The following MGAT3 variants were observed in gnomAD, a reference collection of about 807,000 sequenced individuals.
MGAT3 encodes beta-1,4-mannosyl-glycoprotein 4-beta-N-acetylglucosaminyltransferase.
A neutral mutation model predicts 29.8 loss-of-function variants in MGAT3; 9 were observed. The observed-to-expected ratio is 0.30, with a 90% CI of 0.18 to 0.53. The LOEUF is 0.53. Ranked by LOEUF, MGAT3 falls within the 20% of genes least tolerant of loss-of-function variation. MGAT3 has a pLI of 0.96. For missense variants in MGAT3, 557 were observed against 769.5 expected (o/e 0.72, Z 3.27); for synonymous variants, 397 against 348.9 (o/e 1.14, Z -1.54).
At chr22:39,459,746 G>C (rs773131056) in intron 1 of MGAT3, among the ~76,000 whole-genome samples, 1 of 152,262 alleles carries the variant, frequency 6.6e-6, no homozygotes. Context: ...CGGATTCCAG[G>C]TGTGATCAAA....
chr22:39,458,712 C>G (rs1225446181), intron 1 of MGAT3, among the ~76,000 whole-genome samples: 2 of 152,182 alleles, frequency 1.3e-5, no homozygotes, highest in African/African-American at 4.8e-5. Context: ...CCAGAGATCT[C>G]TGGGTAGAGA....
At chr22:39,478,096 ACATGGGG>A (rs1233847266) in intron 1 of MGAT3, among the ~76,000 whole-genome samples, 1 of 152,230 alleles carries the variant, frequency 6.6e-6, no homozygotes, top group East Asian at 1.9e-4. Context: ...CCCTTAGGTC[ACATGGGG>A]CAGGACCAGG....
rs750818707 is a variant in MGAT3 at position 39,487,950 on chromosome 22, C to T, written c.603C>T (p.Pro201=). 236 of 1,610,564 alleles carry T rather than the reference C, an allele frequency of 1.5e-4. 3 individuals are homozygous for T. In the South Asian group the frequency reaches 2.6e-3, roughly 17 times the overall value. The change falls in exon 2 of 2, where the codon CCC becomes CCT. Residue 201 remains proline (P), a synonymous_variant. Transcript: ENST00000341184. This position sits in a 1 kb window ranked among gnomAD's most constrained non-coding sequence, Gnocchi z 5.7. ...SNLPTKERLV[P]REVPRRVINA... is the part of the protein sequence containing the mutation. ...TGCCCACCAAGGAGCGGCTGGTGCC[C>T]AGGGAGGTGCCGCGCCGCGTCATCA...
chr22:39,484,768 T>C (rs1929224364), intron 1 of MGAT3, among the ~76,000 whole-genome samples: 1 of 151,802 alleles, frequency 6.6e-6, no homozygotes, highest in African/African-American at 2.4e-5. Flanking sequence ...TTTCAGAAGC[T>C]GAGGCGGGCA....
intron 1 of MGAT3, chr22:39,477,820 G>T (rs1929010974): frequency 1.3e-5 from 2 of 152,280 alleles, no homozygotes; most frequent in African/African-American, 4.8e-5. Context: ...AGCATCTGTT[G>T]TGTGCTTAGG....
At chr22:39,461,898 C>T (rs1226257284) in intron 1 of MGAT3, among the ~76,000 whole-genome samples, 2 of 150,758 alleles carry the variant, frequency 1.3e-5, no homozygotes, top group African/African-American at 5.0e-5. Flanking sequence ...TTCACACTGA[C>T]CCACTCTTTT....
chr22:39,467,084 G>A (rs924964477), intron 1 of MGAT3, among the ~76,000 whole-genome samples: 1 of 152,224 alleles, frequency 6.6e-6, no homozygotes, highest in Admixed American at 6.5e-5. Context: ...TGCTACATGT[G>A]TATGCACACA....
At chr22:39,479,370 C>T (rs1304084274) in intron 1 of MGAT3, among the ~76,000 whole-genome samples, 1 of 152,194 alleles carries the variant, frequency 6.6e-6, no homozygotes, top group Non-Finnish European at 1.5e-5. Context: ...AAGTCACAGG[C>T]CCCTGGGGCT....
chr22:39,477,309 C>T (rs753041432), intron 1 of MGAT3, among the ~76,000 whole-genome samples: 7 of 152,302 alleles, frequency 4.6e-5, no homozygotes, highest in Middle Eastern at 3.4e-3. Flanking sequence ...TCGGCTGGGC[C>T]GGATTCCGCA....
At chr22:39,471,515 C>T (rs1006269022) in intron 1 of MGAT3, among the ~76,000 whole-genome samples, 2 of 152,128 alleles carry the variant, frequency 1.3e-5, no homozygotes, top group Non-Finnish European at 2.9e-5. Flanking sequence ...GCCCTCACCC[C>T]ACTCCAACCT....
At chr22:39,463,634 T>C (rs1928556747) in intron 1 of MGAT3, among the ~76,000 whole-genome samples, 1 of 151,956 alleles carries the variant, frequency 6.6e-6, no homozygotes, top group Non-Finnish European at 1.5e-5. Flanking sequence ...GTTTAAAAAA[T>C]ACTGACTTGG....
In MGAT3 at chr22:39,487,236, G is replaced by A. The variant is rs2145727515; in HGVS notation, c.-1-111G>A. 27 of 1,156,298 alleles carry A rather than the reference G, an allele frequency of 2.3e-5. No individual in the cohort carries two copies. The South Asian group carries it at 3.5e-4, about 15-fold the overall frequency. The allele number at this position is 1,156,298 out of a possible 1,614,324, so 71.6% of individuals were successfully genotyped here. On this transcript the variant is annotated intron_variant, in intron 1 of 1. Coordinates refer to ENST00000341184, the MANE Select transcript of MGAT3 (RefSeq NM_002409.5). This position sits in a 1 kb window ranked among gnomAD's most constrained non-coding sequence, Gnocchi z 5.7. The stretch of plus-strand genomic sequence containing the variant: ...GTCACTCCATGCAGGGGCAGCAGGT[G>A]CTGGCCACCACATTGTCCAGCAAGG...
chr22:39,485,538 C>T (rs1250476404), intron 1 of MGAT3, among the ~76,000 whole-genome samples: 1 of 152,166 alleles, frequency 6.6e-6, no homozygotes, highest in South Asian at 2.1e-4. Flanking sequence ...TGCCTGTAAT[C>T]TCAGCACTTT....
chr22:39,466,098 G>A (rs557504128), intron 1 of MGAT3, among the ~76,000 whole-genome samples: 67 of 152,346 alleles, frequency 4.4e-4, no homozygotes, highest in African/African-American at 1.6e-3. Flanking sequence ...AGGGGTGGCA[G>A]GATGGTGGGG....
intron 1 of MGAT3, among the ~76,000 whole-genome samples, chr22:39,467,592 A>G (rs1928685830): frequency 6.6e-6 from 1 of 152,172 alleles, no homozygotes; most frequent in Non-Finnish European, 1.5e-5. Context: ...AGACACATGG[A>G]CACGACACGG....
chr22:39,477,833 T>C (rs1929011180), intron 1 of MGAT3: 1 of 152,280 alleles, frequency 6.6e-6, no homozygotes, highest in Non-Finnish European at 1.5e-5. Flanking sequence ...TGCTTAGGCA[T>C]GGTCCCTAGC....
At chr22:39,482,899 C>T (rs1191768080) in intron 1 of MGAT3, among the ~76,000 whole-genome samples, 2 of 152,172 alleles carry the variant, frequency 1.3e-5, no homozygotes, top group African/African-American at 4.8e-5. Flanking sequence ...GGGGAGCTCC[C>T]AAGCACTGGT....
intron 1 of MGAT3, among the ~76,000 whole-genome samples, chr22:39,483,814 T>C (rs1451697190): frequency 6.6e-6 from 1 of 152,220 alleles, no homozygotes; most frequent in African/African-American, 2.4e-5. Flanking sequence ...CAGCCCCAGC[T>C]CTGCCCTGGG....
chr22:39,469,217 C>T (rs1054101078), intron 1 of MGAT3, among the ~76,000 whole-genome samples: 15 of 151,958 alleles, frequency 9.9e-5, no homozygotes, highest in African/African-American at 3.6e-4. Context: ...TGGGGAGGGG[C>T]CCAGAAGGGG....
Sources: gnomAD v4.1 joint callset for allele counts (sites outside exome capture counted in the v4.1 genomes callset) on GRCh38, gnomAD v4.1.1 for gene constraint, Gnocchi (gnomAD v3.1) non-coding constraint, MANE v1.5 for transcripts, NCBI Gene and HGNC (gene_info 2026-07-23, HGNC 2026-07-21) for gene names.